The following NMNAT2 variants were observed in gnomAD, a reference collection of about 807,000 sequenced individuals.
The protein encoded by NMNAT2 is nicotinamide/nicotinic acid mononucleotide adenylyltransferase 2.
NMNAT2 carries 11 observed loss-of-function variants against 41.6 expected under a neutral mutation model. The ratio of observed to expected loss-of-function variants is 0.26; its 90% CI spans 0.17 to 0.44. The LOEUF is 0.44. Ranked by LOEUF, NMNAT2 falls within the 20% of genes least tolerant of loss-of-function variation. The pLI is 1.00. For synonymous variants in NMNAT2, 148 were observed against 151.2 expected (o/e 0.98, Z 0.16); for missense variants, 288 against 407.7 (o/e 0.71, Z 2.53).
intron 2 of NMNAT2, 103 bp from the exon 3 acceptor site, chr1:183,292,960 C>T: frequency 9.5e-7 from 1 of 1,055,126 alleles, no homozygotes; most frequent in Non-Finnish European, 1.4e-6. Context: ...AGCCATTTTT[C>T]AGTGGTGAGA....
At chr1:183,322,614 G>A (rs550540503) in intron 1 of NMNAT2, among the ~76,000 whole-genome samples, 3 of 152,246 alleles carry the variant, frequency 2.0e-5, no homozygotes, top group East Asian at 1.9e-4. Flanking sequence ...ACTGAGCAGC[G>A]GCAGCTCTCA....
chr1:183,415,547 T>A (rs1382179777), intron 1 of NMNAT2, among the ~76,000 whole-genome samples: 4 of 152,206 alleles, frequency 2.6e-5, no homozygotes, highest in African/African-American at 9.6e-5. Flanking sequence ...TGTTGCAGTA[T>A]GAAGGCCTCT....
At chr1:183,258,140 A>G (rs1571554656) in intron 10 of NMNAT2, among the ~76,000 whole-genome samples, 1 of 152,184 alleles carries the variant, frequency 6.6e-6, no homozygotes, top group Non-Finnish European at 1.5e-5. Flanking sequence ...CAACAGGTAT[A>G]AAGGACTCCA....
At chr1:183,304,838 T>G in intron 1 of NMNAT2, 2 of 1,592,432 alleles carry the variant, frequency 1.3e-6, no homozygotes, top group Non-Finnish European at 1.7e-6. Context: ...TTGCTGATCT[T>G]GTTTGCTCCA....
chr1:183,263,235 G>T (rs1660708528), intron 8 of NMNAT2, among the ~76,000 whole-genome samples: 1 of 152,200 alleles, frequency 6.6e-6, no homozygotes, highest in Non-Finnish European at 1.5e-5. Flanking sequence ...GAATATTAGA[G>T]CCCCCATTGG....
chr1:183,342,834 A>T (rs1662847705), intron 1 of NMNAT2, among the ~76,000 whole-genome samples: 1 of 152,040 alleles, frequency 6.6e-6, no homozygotes, highest in African/African-American at 2.4e-5. Context: ...CCTGGGCTCA[A>T]GTGATTTCCC....
intron 1 of NMNAT2, among the ~76,000 whole-genome samples, chr1:183,352,562 C>CAAAA (rs55706245): frequency 6.3e-5 from 5 of 79,160 alleles, no homozygotes; most frequent in East Asian, 8.0e-4. Flanking sequence ...CAGTCTGTCT[C>CAAAA]AAAAAAAAAA....
intron 1 of NMNAT2, among the ~76,000 whole-genome samples, chr1:183,386,948 G>T (rs1473508645): frequency 3.3e-5 from 5 of 151,900 alleles, no homozygotes; most frequent in African/African-American, 1.2e-4. Context: ...TTTTGCTCTG[G>T]AAAACTATTA....
intron 8 of NMNAT2, among the ~76,000 whole-genome samples, chr1:183,271,442 C>T (rs1043568249): frequency 2.0e-5 from 3 of 152,162 alleles, no homozygotes; most frequent in African/African-American, 7.2e-5. Flanking sequence ...GCCACCCCCT[C>T]CCACAGAAAG....
At chr1:183,297,156 G>A (rs1181104934) in intron 1 of NMNAT2, among the ~76,000 whole-genome samples, 1 of 150,542 alleles carries the variant, frequency 6.6e-6, no homozygotes, top group African/African-American at 2.5e-5. Context: ...TCCTGCTCTG[G>A]ACTTATTTCC....
At chr1:183,266,273 GCCTTTTTTAGTCTATTC>G (rs1483369653) in intron 8 of NMNAT2, among the ~76,000 whole-genome samples, 5 of 152,124 alleles carry the variant, frequency 3.3e-5, no homozygotes, top group Admixed American at 6.5e-5. Flanking sequence ...TTATTTGCTT[GCCTTTTTTAGTCTATTC>G]CCAATAGCCA....
chr1:183,313,017 A>G (rs966433042), intron 1 of NMNAT2, among the ~76,000 whole-genome samples: 2 of 152,258 alleles, frequency 1.3e-5, no homozygotes, highest in Non-Finnish European at 2.9e-5. Flanking sequence ...ATGAAGCCCA[A>G]TTCCAGCTTT....
At chr1:183,321,792 G>C (rs1195068473) in intron 1 of NMNAT2, among the ~76,000 whole-genome samples, 1 of 151,968 alleles carries the variant, frequency 6.6e-6, no homozygotes, top group Non-Finnish European at 1.5e-5. Flanking sequence ...ATGTTACTTG[G>C]ACTAGATTTT....
chr1:183,298,329 A>C (rs1039043851), intron 1 of NMNAT2, among the ~76,000 whole-genome samples: 4 of 152,248 alleles, frequency 2.6e-5, no homozygotes, highest in African/African-American at 9.6e-5. Context: ...TCCAGCAACT[A>C]ATAAGTGAGC....
At chr1:183,338,558 A>C (rs1421523432) in intron 1 of NMNAT2, among the ~76,000 whole-genome samples, 2 of 152,250 alleles carry the variant, frequency 1.3e-5, no homozygotes, top group African/African-American at 2.4e-5. Flanking sequence ...TATGATAATC[A>C]AATGAAATAA....
At position 183,261,226 on chromosome 1, in the gene NMNAT2, G is replaced by A; in HGVS notation, c.729C>T (p.His243=). The A allele has an allele frequency of 1.2e-6, 2 of 1,614,218 alleles. No homozygotes were observed. The highest frequency in any genetic ancestry group is 8.5e-7 in the Non-Finnish European group (1 of 1,180,024). ...DAADTDRIMN[H]SSILRKYKNN... ...CTTTGTATTTGCGGAGTATTGAGGA[G>A]TGATTCATGATTCGGTCTGTGTCGG... The change falls in exon 9 of 11, where the codon CAC becomes CAT. Residue 243 remains histidine, a synonymous_variant. Coordinates refer to ENST00000287713, the MANE Select transcript of NMNAT2 (RefSeq NM_015039.4).
At chr1:183,278,674 C>CG in intron 7 of NMNAT2, 45 bp from the exon 8 acceptor site, 1 of 1,400,516 alleles carries the variant, frequency 7.1e-7, no homozygotes, top group Non-Finnish European at 1.0e-6. Flanking sequence ...AGTGGTGGCC[C>CG]GGGAAGCATT....
intron 1 of NMNAT2, among the ~76,000 whole-genome samples, chr1:183,370,223 T>TACACACAGACACACACAC (rs1663502903): frequency 8.9e-6 from 1 of 112,734 alleles, no homozygotes; most frequent in African/African-American, 3.3e-5. Flanking sequence ...TATCAACACA[T>TACACACAGACACACACAC]ACACACACAC....
At chr1:183,323,310 A>C (rs1662391177) in intron 1 of NMNAT2, among the ~76,000 whole-genome samples, 1 of 152,130 alleles carries the variant, frequency 6.6e-6, no homozygotes. Context: ...CACCACCTAG[A>C]ACCCAGCTGC....
Sources: allele counts gnomAD v4.1 joint callset (sites outside exome capture counted in the v4.1 genomes callset), GRCh38; gene constraint gnomAD v4.1.1; transcripts MANE v1.5; gene names NCBI Gene and HGNC (gene_info 2026-07-23, HGNC 2026-07-21).